VAMP3: variants seen among roughly 807,000 people sequenced by gnomAD.
VAMP3 encodes vesicle-associated membrane protein 3.
VAMP3 carries 11 observed loss-of-function variants against 18.1 expected under a neutral mutation model. The ratio of observed to expected loss-of-function variants is 0.61; its 90% CI spans 0.38 to 1.00. The LOEUF (loss-of-function observed/expected upper bound fraction) is 1.00. Ranked by LOEUF, VAMP3 falls within the 50% of genes least tolerant of loss-of-function variation. The pLI, the probability that VAMP3 is intolerant of heterozygous loss-of-function variation, is 0.01. For synonymous variants in VAMP3, 49 were observed against 43.1 expected, an observed-to-expected ratio of 1.14 and a Z score of -0.53; for missense variants, 122 against 127.3, an observed-to-expected ratio of 0.96 and a Z score of 0.20.
In VAMP3 at chr1:7,777,229, G is replaced by GACCGTGC. The variant is rs1461602779; in HGVS notation, c.144_150dup (p.Asp51ProfsTer13). On this transcript the variant is annotated frameshift_variant, in exon 3 of 5. Coordinates refer to ENST00000054666, the MANE Select transcript of VAMP3 (RefSeq NM_004781.4). LOFTEE classifies it high-confidence loss of function. The stretch of plus-strand genomic sequence containing the variant: ...AGACCAGAAGCTCTCTGAGTTAGAC[G>GACCGTGC]ACCGTGCAGACGCACTGCAGGCAGG... 6.2e-7 allele frequency: 1 copy of GACCGTGC among 1,613,722 alleles called. No homozygotes were observed. Among genetic ancestry groups the GACCGTGC allele is most frequent in the Non-Finnish European group, 8.5e-7 (1 of 1,179,938 alleles).
intron 2 of VAMP3, among the ~76,000 whole-genome samples, chr1:7,774,270 A>G (rs2097053010): frequency 6.6e-6 from 1 of 152,240 alleles, no homozygotes; most frequent in South Asian, 2.1e-4. Context: ...TCATGAACTT[A>G]TACAATTTTA....
chr1:7,777,011 A>G, intron 2 of VAMP3, 149 bp from the exon 3 acceptor site: 3 of 741,912 alleles, frequency 4.0e-6, no homozygotes, highest in Non-Finnish European at 6.1e-6. Context: ...GGGTTTCCCC[A>G]TGTTGGCCAG....
rs753941292 is a variant in VAMP3 at position 7,779,679 on chromosome 1, A to C, written c.*34A>C. The C allele has an allele frequency of 6.8e-6, 11 of 1,613,938 alleles. No individual in the cohort carries two copies. The African/African-American group carries it at 1.2e-4, about 18-fold the overall frequency. ...CGGAACTCAAAACTGCTGTTCAAGA[A>C]ACCTCTTCAAGACTTTTGACTTAGA... On this transcript the variant is annotated 3_prime_UTR_variant, in exon 5 of 5. Coordinates refer to ENST00000054666, the MANE Select transcript of VAMP3 (RefSeq NM_004781.4).
chr1:7,773,273 G>C, intron 1 of VAMP3, 169 bp from the exon 2 acceptor site: 1 of 594,702 alleles, frequency 1.7e-6, no homozygotes, highest in South Asian at 2.3e-5. Flanking sequence ...GAAATTAGAA[G>C]AAATGCAATT....
chr1:7,777,252 A>T lies in VAMP3; in HGVS notation c.165A>T (p.Ala55=). The change falls in exon 3 of 5, where the codon GCA becomes GCT. Residue 55 remains alanine (A), a synonymous_variant. Coordinates refer to ENST00000054666, the MANE Select transcript of VAMP3 (RefSeq NM_004781.4). The part of the protein sequence containing the change: ...ELDDRADALQ[A]GASQFETSAA... ...ACGACCGTGCAGACGCACTGCAGGC[A>T]GGCGCTTCTCAATTTGAAACGAGCG... 6.2e-7 allele frequency: 1 copy of T among 1,613,894 alleles called. No individual in the cohort carries two copies. The highest frequency in any genetic ancestry group is 8.5e-7 in the Non-Finnish European group (1 of 1,179,936).
intron 2 of VAMP3, among the ~76,000 whole-genome samples, chr1:7,774,615 G>A (rs1216487159): frequency 1.3e-5 from 2 of 152,022 alleles, no homozygotes; most frequent in African/African-American, 4.8e-5. Flanking sequence ...TCTTTCTGTG[G>A]ATTTGCCTGT....
chr1:7,775,087 A>G (rs1031506383), intron 2 of VAMP3, among the ~76,000 whole-genome samples: 4 of 152,176 alleles, frequency 2.6e-5, no homozygotes, highest in Middle Eastern at 6.3e-3. Context: ...GATTATAACC[A>G]TCCTACTGAG....
In VAMP3 at chr1:7,779,834, C is replaced by A; in HGVS notation, c.*189C>A. 1 of 670,818 alleles carries A rather than the reference C, an allele frequency of 1.5e-6. No homozygotes were observed. The allele number at this position is 670,818 out of a possible 1,614,324, so 41.6% of individuals were successfully genotyped here. On this transcript the variant is annotated 3_prime_UTR_variant, in exon 5 of 5. Coordinates refer to ENST00000054666, the MANE Select transcript of VAMP3 (RefSeq NM_004781.4). ...TCCAAATTAGAAGGCCGGCCCCGTC[C>A]ACATTTTGCACAGTGCCTTTACAGA...
Position 7,771,485 on chromosome 1 carries a change from C to T in VAMP3, c.2+100C>T, listed in dbSNP as rs112570610. ...CAGTTGCCGCCGGCCGCCACTCGGA[C>T]GCAGGCCGGGGCTGCGCGGGGATCC... On this transcript the variant is annotated intron_variant, in intron 1 of 4. Transcript: ENST00000054666. 5 of 1,379,092 alleles carry T rather than the reference C, an allele frequency of 3.6e-6. No homozygotes were observed. In the African/African-American group the frequency reaches 7.6e-5, roughly 21 times the overall value. The allele number at this position is 1,379,092 out of a possible 1,614,324, so 85.4% of individuals were successfully genotyped here. A position where few individuals can be genotyped will look rare whatever the true frequency, so the allele number is the denominator to read the frequency against.
intron 2 of VAMP3, 140 bp downstream of exon 2, chr1:7,773,651 G>A (rs753549567): frequency 1.5e-5 from 12 of 820,886 alleles, no homozygotes; most frequent in African/African-American, 6.9e-5. Context: ...TTTGCTCCCT[G>A]CTGTGCTGGA....
intron 2 of VAMP3, among the ~76,000 whole-genome samples, chr1:7,775,978 T>C (rs1044300863): frequency 6.6e-6 from 1 of 152,238 alleles, no homozygotes; most frequent in Admixed American, 6.5e-5. Context: ...CAATTGGCCA[T>C]AGATGCTTAG....
At position 7,777,193 on chromosome 1, in the gene VAMP3, G is replaced by C. The variant is rs767155660; in HGVS notation, c.106G>C (p.Val36Leu). The C allele has an allele frequency of 1.2e-6, 2 of 1,613,616 alleles. No homozygotes were observed. The highest frequency in any genetic ancestry group is 8.5e-7 in the Non-Finnish European group (1 of 1,179,820). ...CATAATGCGAGTTAACGTGGACAAG[G>C]TTCTGGAAAGAGACCAGAAGCTCTC... Reference protein sequence around the residue: ...VDIMRVNVDKVLERDQKLSEL... With the variant: ...VDIMRVNVDKLLERDQKLSEL... Residue 36 changes from valine to leucine, a missense_variant, in exon 3 of 5, where the codon GTT becomes CTT. Val to Leu is a conservative substitution (Grantham distance 32, BLOSUM62 1). Transcript: ENST00000054666.
At chr1:7,771,817 G>A (rs2097051163) in intron 1 of VAMP3, among the ~76,000 whole-genome samples, 1 of 152,258 alleles carries the variant, frequency 6.6e-6, no homozygotes, top group Non-Finnish European at 1.5e-5. Context: ...GGGCCGAAGA[G>A]CTCCTTGCCT....
intron 4 of VAMP3, among the ~76,000 whole-genome samples, 173 bp from the exon 5 acceptor site, chr1:7,779,453 C>G (rs1345504376): frequency 2.6e-5 from 4 of 152,160 alleles, no homozygotes; most frequent in African/African-American, 9.7e-5. Context: ...CCTTTTGACT[C>G]TAGTCTCCTT....
Position 7,771,307 on chromosome 1 carries a change from C to G in VAMP3, c.-77C>G, listed in dbSNP as rs1206481252. 2.6e-5 allele frequency: 40 copies of G among 1,568,184 alleles called. No homozygotes were observed. Among genetic ancestry groups the G allele is most frequent in the Non-Finnish European group, 3.4e-5 (39 of 1,159,424 alleles). On this transcript the variant is annotated 5_prime_UTR_variant, in exon 1 of 5. In the 5' UTR this introduces an upstream ATG that the reference lacks. Coordinates refer to ENST00000054666, the MANE Select transcript of VAMP3 (RefSeq NM_004781.4). The stretch of plus-strand genomic sequence containing the variant: ...CCCCGCGCCGCGCCGTCCCACCCAT[C>G]TCCCTGGCCTCCGGTCCCAACTTCG...
At position 7,773,528 on chromosome 1, in the gene VAMP3, T is replaced by C. The variant is rs192966658; in HGVS notation, c.72+17T>C. On this transcript the variant is annotated intron_variant, in intron 2 of 4. Coordinates refer to ENST00000054666, the MANE Select transcript of VAMP3 (RefSeq NM_004781.4). The stretch of plus-strand genomic sequence containing the variant: ...GTAGATGAGGTATTGCTCTGAAATG[T>C]TGGAAATATGAATTTTAAACAAATA... 2 of 1,608,704 alleles carry C rather than the reference T, an allele frequency of 1.2e-6. No individual in the cohort carries two copies. The highest frequency in any genetic ancestry group is 2.2e-5 in the East Asian group (1 of 44,854).
intron 4 of VAMP3, among the ~76,000 whole-genome samples, chr1:7,779,399 T>C (rs1375521928): frequency 1.3e-5 from 2 of 152,188 alleles, no homozygotes; most frequent in East Asian, 3.8e-4. Context: ...TAGATGGATG[T>C]TAGTGGATGT....
chr1:7,779,862 T>G lies in VAMP3; in HGVS notation c.*217T>G. The G allele has an allele frequency of 1.7e-6, 1 of 592,632 alleles. No homozygotes were observed. The highest frequency in any genetic ancestry group is 2.9e-6 in the Non-Finnish European group (1 of 339,596). The allele number at this position is 592,632 out of a possible 1,614,324, so 36.7% of individuals were successfully genotyped here. A position where few individuals can be genotyped will look rare whatever the true frequency, so the allele number is the denominator to read the frequency against. On this transcript the variant is annotated 3_prime_UTR_variant, in exon 5 of 5. Transcript: ENST00000054666. ...ATTTTGCACAGTGCCTTTACAGATT[T>G]ACGTATGGGCTGATGAAGAGGCCTT...
chr1:7,781,332 A>G lies in VAMP3; in HGVS notation c.*1687A>G, dbSNP rs2097057124. 1 of 152,810 alleles carries G rather than the reference A, an allele frequency of 6.5e-6. No homozygotes were observed. The highest frequency in any genetic ancestry group is 1.5e-5 in the Non-Finnish European group (1 of 68,128). 9.5% of individuals were successfully genotyped at this position (152,810 alleles called of 1,614,324 possible). On this transcript the variant is annotated 3_prime_UTR_variant, in exon 5 of 5. Coordinates refer to ENST00000054666, the MANE Select transcript of VAMP3 (RefSeq NM_004781.4). ...CACAGTGCCCAGACCCATGTAACCC[A>G]CTGGCTCCTGCATTAACCCAGAAAT...
Sources: gnomAD v4.1 joint callset for allele counts (sites outside exome capture counted in the v4.1 genomes callset) on GRCh38, gnomAD v4.1.1 for gene constraint, MANE v1.5 for transcripts, NCBI Gene and HGNC (gene_info 2026-07-23, HGNC 2026-07-21) for gene names.